SLF2: variants seen among roughly 807,000 people sequenced by gnomAD.
SLF2 encodes the protein SMC5-SMC6 complex localization factor protein 2.
A neutral mutation model predicts 124.3 loss-of-function variants in SLF2; 68 were observed. The ratio of observed to expected loss-of-function variants is 0.55; its 90% CI spans 0.45 to 0.67. The LOEUF is 0.67. Ranked by LOEUF, SLF2 falls within the 30% of genes least tolerant of loss-of-function variation. SLF2 has a pLI of 0.00. For missense variants in SLF2, 1,246 were observed against 1,373.7 expected, an observed-to-expected ratio of 0.91 and a Z score of 1.47; for synonymous variants, 480 against 478.8, an observed-to-expected ratio of 1.00 and a Z score of -0.03.
intron 1 of SLF2, 25 bp from the exon 2 acceptor site, chr10:100,915,974 T>G (rs752615588): frequency 6.4e-7 from 1 of 1,566,086 alleles, no homozygotes; most frequent in South Asian, 1.1e-5. Flanking sequence ...GCTTATATGA[T>G]GCCATATTAT....
At chr10:100,926,292 G>T in intron 6 of SLF2, 1 of 1,468,108 alleles carries the variant, frequency 6.8e-7, no homozygotes, top group South Asian at 1.4e-5. Context: ...CTGGGTGGCA[G>T]AGTGAGACCC....
chr10:100,950,836 G>GAAAACTA, intron 17 of SLF2, 83 bp downstream of exon 17: 1 of 1,063,344 alleles, frequency 9.4e-7, no homozygotes, highest in Non-Finnish European at 1.4e-6. Flanking sequence ...TTATATAGGA[G>GAAAACTA]AAAACTATGT....
At position 100,924,464 on chromosome 10, in the gene SLF2, C is replaced by T. The variant is rs1226500113; in HGVS notation, c.1463C>T (p.Pro488Leu). 1 of 1,614,132 alleles carries T rather than the reference C, an allele frequency of 6.2e-7. No individual in the cohort carries two copies. The highest frequency in any genetic ancestry group is 1.1e-5 in the South Asian group (1 of 91,082). Residue 488 changes from proline to leucine, a missense_variant, in exon 5 of 20, where the codon CCA becomes CTA. Physicochemically the swap from Pro to Leu is moderately conservative, Grantham distance 98. This residue lies in a region of SLF2 where 698 missense variants were observed against 708.9 expected (regional missense o/e 0.98). Coordinates refer to ENST00000238961, the MANE Select transcript of SLF2 (RefSeq NM_018121.4). Reference protein sequence around the residue: ...RVPSAGSSLVPLNAKNCALPV... With the variant: ...RVPSAGSSLVLLNAKNCALPV... ...CCAAGTGCTGGTTCCTCTCTAGTACCATTAAATGCTAAAAATTGTGCTCTT... is the reference window on the plus strand; with the variant it reads ...CCAAGTGCTGGTTCCTCTCTAGTACTATTAAATGCTAAAAATTGTGCTCTT...
At position 100,917,182 on chromosome 10, in the gene SLF2, C is replaced by G; in HGVS notation, c.797C>G (p.Ser266Cys). Residue 266 changes from serine to cysteine, a missense_variant, in exon 3 of 20, where the codon TCT becomes TGT. Ser to Cys is a moderately radical substitution (Grantham distance 112). This residue lies in a region of SLF2 where 698 missense variants were observed against 708.9 expected (regional missense o/e 0.98). Transcript: ENST00000238961. ...GAGCAGAGAATCAACTCCGAGAATT[C>G]TTTCTCAGAAGCAAGCAGTCTTTCC... is the stretch of plus-strand genomic sequence containing the variant. ...QMEQRINSEN[S>C]FSEASSLSLK... The G allele has an allele frequency of 6.2e-7, 1 of 1,614,002 alleles. No individual in the cohort carries two copies. The highest frequency in any genetic ancestry group is 8.5e-7 in the Non-Finnish European group (1 of 1,180,024).
intron 9 of SLF2, among the ~76,000 whole-genome samples, chr10:100,932,071 A>G (rs536382447): frequency 6.6e-6 from 1 of 152,248 alleles, no homozygotes; most frequent in South Asian, 2.1e-4. Flanking sequence ...AACAAGTACT[A>G]TAGTAACTAC....
intron 9 of SLF2, among the ~76,000 whole-genome samples, chr10:100,936,310 A>G (rs1318961845): frequency 1.6e-5 from 2 of 127,898 alleles, no homozygotes; most frequent in African/African-American, 5.6e-5. Flanking sequence ...TCAATCAGTG[A>G]TATCTTTTTT....
intron 4 of SLF2, among the ~76,000 whole-genome samples, chr10:100,922,159 C>T (rs1835460839): frequency 6.6e-6 from 1 of 152,216 alleles, no homozygotes; most frequent in African/African-American, 2.4e-5. Flanking sequence ...TTACAGCTCA[C>T]TGTAGCCTCA....
chr10:100,927,516 T>A (rs1466861108), intron 6 of SLF2, among the ~76,000 whole-genome samples: 1 of 152,210 alleles, frequency 6.6e-6, no homozygotes, highest in African/African-American at 2.4e-5. Context: ...TTGCTTCCAC[T>A]TTTTGGCTAC....
At chr10:100,935,284 A>G (rs1849823180) in intron 9 of SLF2, among the ~76,000 whole-genome samples, 1 of 152,078 alleles carries the variant, frequency 6.6e-6, no homozygotes, top group South Asian at 2.1e-4. Flanking sequence ...AATCCCAGCT[A>G]CTGGGGAGGC....
Position 100,929,987 on chromosome 10 carries a change from C to T in SLF2, c.2323C>T (p.Leu775Phe). ...GFIGQSAVEK[L>F]ILKSGKTDQI... is the part of the protein sequence containing the mutation. ...TATTGGACAAAGTGCTGTAGAAAAA[C>T]TTATTCTTAAGTAAGTAGAAAAATA... Residue 775 changes from leucine to phenylalanine, a missense_variant, in exon 8 of 20, where the codon CTT becomes TTT. Around this residue, in one of 3 missense-constraint regions of SLF2, gnomAD observed 535 missense variants for 632.8 expected, o/e 0.85. Coordinates refer to ENST00000238961, the MANE Select transcript of SLF2 (RefSeq NM_018121.4). The T allele has an allele frequency of 1.3e-6, 2 of 1,519,534 alleles. No individual in the cohort carries two copies. Among genetic ancestry groups the T allele is most frequent in the Non-Finnish European group, 1.8e-6 (2 of 1,133,522 alleles). The allele number at this position is 1,519,534 out of a possible 1,614,324, so 94.1% of individuals were successfully genotyped here. A position where few individuals can be genotyped will look rare whatever the true frequency, so the allele number is the denominator to read the frequency against.
chr10:100,940,820 CTCCT>C (rs537223341), intron 11 of SLF2, among the ~76,000 whole-genome samples: 53 of 101,168 alleles, frequency 5.2e-4, no homozygotes, highest in African/African-American at 6.8e-4. Context: ...CCTGCCCCTT[CTCCT>C]TCCTTCCTTC....
Position 100,926,055 on chromosome 10 carries a change from C to T in SLF2, c.2042+36C>T, listed in dbSNP as rs191533681. Reference sequence around the variant, plus strand: ...ATAAAGATTAATTTGCTAAATTTAACATTTTGCTTGTTTGTGTGGCTTACT... The same window carrying T: ...ATAAAGATTAATTTGCTAAATTTAATATTTTGCTTGTTTGTGTGGCTTACT... On this transcript the variant is annotated intron_variant, in intron 6 of 19. Transcript: ENST00000238961. 1.0e-4 allele frequency: 163 copies of T among 1,614,180 alleles called. 1 individual carries two copies. The African/African-American group carries it at 1.7e-3, about 16-fold the overall frequency.
rs200633174 is a variant in SLF2 at position 100,925,911 on chromosome 10, G to A, written c.1972-38G>A. On this transcript the variant is annotated intron_variant, in intron 5 of 19. Coordinates refer to ENST00000238961, the MANE Select transcript of SLF2 (RefSeq NM_018121.4). ...TAAAACATCCCAGTTCTTCTACTAA[G>A]ACATGTGGTAAAGTATTTCTAAATG... The A allele has an allele frequency of 8.5e-6, 13 of 1,528,844 alleles. No individual in the cohort carries two copies. In the East Asian group the frequency reaches 2.9e-4, roughly 35 times the overall value. 94.7% of individuals were successfully genotyped at this position (1,528,844 alleles called of 1,614,324 possible).
At chr10:100,944,891 G>A (rs1486925960) in intron 12 of SLF2, among the ~76,000 whole-genome samples, 7 of 152,140 alleles carry the variant, frequency 4.6e-5, no homozygotes, top group Admixed American at 6.6e-5. Context: ...TTAGTCAGGC[G>A]TGGTGGCAGG....
At chr10:100,955,248 C>T (rs1245675647) in intron 17 of SLF2, among the ~76,000 whole-genome samples, 2 of 150,574 alleles carry the variant, frequency 1.3e-5, no homozygotes, top group African/African-American at 2.4e-5. Flanking sequence ...CTGACCCTAT[C>T]TCTTAAAAAA....
intron 18 of SLF2, among the ~76,000 whole-genome samples, chr10:100,957,331 T>A (rs893579749): frequency 5.8e-3 from 26 of 4,502 alleles, no homozygotes; most frequent in Non-Finnish European, 9.3e-3. Flanking sequence ...GAGTCTTCAA[T>A]TTTTTTTTTT....
chr10:100,937,121 C>T (rs1849878794), intron 9 of SLF2, among the ~76,000 whole-genome samples: 2 of 151,992 alleles, frequency 1.3e-5, no homozygotes, highest in African/African-American at 2.4e-5. Context: ...CTGCAACCTC[C>T]ACCTCCTGGT....
chr10:100,913,298 T>C (rs1361846452), intron 1 of SLF2, 48 bp downstream of exon 1: 7 of 1,479,952 alleles, frequency 4.7e-6, no homozygotes, highest in Non-Finnish European at 6.3e-6. Flanking sequence ...GGGGCAAGGG[T>C]ATGAGGGGAG....
rs969224348 is a variant in SLF2 at position 100,944,230 on chromosome 10, T to C, written c.2757+102T>C. 3.3e-5 allele frequency: 22 copies of C among 667,968 alleles called. 1 individual carries two copies. The highest frequency in any genetic ancestry group is 7.5e-5 in the Admixed American group (2 of 26,538). 41.4% of individuals were successfully genotyped at this position (667,968 alleles called of 1,614,324 possible). On this transcript the variant is annotated intron_variant, in intron 12 of 19. Transcript: ENST00000238961. ...AAAAGTCTCGGCCGGGCGCGGTGGCTCACGCCTGTAATCCCAGCACTTTGG... is the reference window on the plus strand; with the variant it reads ...AAAAGTCTCGGCCGGGCGCGGTGGCCCACGCCTGTAATCCCAGCACTTTGG...
Sources: gnomAD v4.1 joint callset for allele counts (sites outside exome capture counted in the v4.1 genomes callset) on GRCh38, gnomAD v4.1.1 for gene constraint, gnomAD v4.1.1 regional missense constraint, MANE v1.5 for transcripts, NCBI Gene and HGNC (gene_info 2026-07-23, HGNC 2026-07-21) for gene names.